CD44: variants seen among roughly 807,000 people sequenced by gnomAD.
CD44 encodes the protein CD44 antigen.
In CD44, 49 loss-of-function variants were observed where a neutral mutation model predicts 88.8. The observed-to-expected ratio is 0.55, with a 90% CI of 0.44 to 0.70. The LOEUF (loss-of-function observed/expected upper bound fraction) is 0.70. Among genes scored for constraint, CD44 ranks in the 30% least tolerant of loss-of-function variants. The pLI, the probability that CD44 is intolerant of heterozygous loss-of-function variation, is 0.00. For missense variants in CD44, 883 were observed against 913.8 expected, an observed-to-expected ratio of 0.97 and a Z score of 0.43; for synonymous variants, 325 against 312.3, an observed-to-expected ratio of 1.04 and a Z score of -0.43.
intron 17 of CD44, among the ~76,000 whole-genome samples, chr11:35,226,743 G>A (rs1272203231): frequency 6.6e-6 from 1 of 152,044 alleles, no homozygotes; most frequent in Non-Finnish European, 1.5e-5. Context: ...ACAATCCTAT[G>A]ATATTGCTAC....
chr11:35,193,912 A>G lies in CD44; in HGVS notation c.668-2834A>G, dbSNP rs143587363. 5.0e-3 allele frequency among the ~76,000 whole-genome samples: 767 copies of G among 152,336 alleles called. 8 individuals carry two copies. Among genetic ancestry groups the G allele is most frequent in the Admixed American group, 0.015 (231 of 15,298 alleles). ...ATTTTCTTTGCAAAGTTCCTGCTCA[A>G]GTATGAAGTTTGACCTGAGGCTGAT... On this transcript the variant is annotated intron_variant, in intron 5 of 17. Coordinates refer to ENST00000428726, the MANE Select transcript of CD44 (RefSeq NM_000610.4).
chr11:35,171,762 A>T lies in CD44; in HGVS notation c.68-4813A>T, dbSNP rs145466611. On this transcript the variant is annotated intron_variant, in intron 1 of 17. Transcript: ENST00000428726. ...AAGAACTGAGGGTCCTGGGAATTTA[A>T]TCACATCAATGCAATCTTTCTTACA... Among the ~76,000 whole-genome samples, 282 of 152,360 alleles carry T rather than the reference A, an allele frequency of 1.9e-3. 1 individual carries two copies. Among genetic ancestry groups the T allele is most frequent in the African/African-American group, 6.5e-3 (272 of 41,590 alleles).
chr11:35,209,087 A>T (rs775507274), intron 12 of CD44, among the ~76,000 whole-genome samples: 20 of 152,204 alleles, frequency 1.3e-4, no homozygotes, highest in Non-Finnish European at 2.8e-4. Context: ...TTTTGTTCTG[A>T]CATTGGGTTT....
intron 15 of CD44, among the ~76,000 whole-genome samples, chr11:35,215,942 G>T (rs116547956): frequency 4.9e-4 from 73 of 149,528 alleles, no homozygotes; most frequent in Middle Eastern, 3.4e-3. Context: ...TATCTAGTAT[G>T]AACTCATTCA....
chr11:35,175,023 G>A (rs938340213), intron 1 of CD44, among the ~76,000 whole-genome samples: 1 of 152,114 alleles, frequency 6.6e-6, no homozygotes, highest in African/African-American at 2.4e-5. Flanking sequence ...AGACAAGGGT[G>A]TTTAGGGAAG....
At chr11:35,163,622 C>T (rs115911908) in intron 1 of CD44, among the ~76,000 whole-genome samples, 79 of 152,252 alleles carry the variant, frequency 5.2e-4, no homozygotes, top group African/African-American at 1.9e-3. Context: ...AGGCTCAAGC[C>T]TCTTAAATCC....
At chr11:35,208,918 C>A (rs1245282508) in intron 12 of CD44, among the ~76,000 whole-genome samples, 1 of 152,130 alleles carries the variant, frequency 6.6e-6, no homozygotes, top group Non-Finnish European at 1.5e-5. Flanking sequence ...CAGAGTCCTT[C>A]ATATGAGCCC....
At position 35,219,351 on chromosome 11, in the gene CD44, A is replaced by G; in HGVS notation, c.1909A>G (p.Thr637Ala). The G allele has an allele frequency of 1.9e-6, 3 of 1,613,986 alleles. No individual in the cohort carries two copies. The South Asian group carries it at 3.3e-5, about 18-fold the overall frequency. ...TGGGAGTCAAGAAGGTGGAGCAAAC[A>G]CAACCTCTGGTCCTATAAGGACACC... Reference protein sequence around the residue: ...SHGSQEGGANTTSGPIRTPQI... With the variant: ...SHGSQEGGANATSGPIRTPQI... The change falls in exon 16 of 18, where the codon ACA becomes GCA. Residue 637 changes from threonine to alanine, a missense_variant. Around this residue, in one of 2 missense-constraint regions of CD44, gnomAD observed 631 missense variants for 590.9 expected, o/e 1.07. Transcript: ENST00000428726.
At chr11:35,219,463 C>T (rs764205140) in intron 16 of CD44, 76 bp downstream of exon 16, 22 of 1,060,428 alleles carry the variant, frequency 2.1e-5, no homozygotes, top group Non-Finnish European at 2.7e-5. Context: ...GACGAAGAGA[C>T]TCATTTGAAA....
chr11:35,139,405 G>T, intron 1 of CD44, 35 bp downstream of exon 1: 1 of 1,543,874 alleles, frequency 6.5e-7, no homozygotes, highest in South Asian at 1.2e-5. Flanking sequence ...AGCAAGATGG[G>T]TGCGGGGTGC....
At chr11:35,228,895 C>A (rs540788932) in intron 17 of CD44, among the ~76,000 whole-genome samples, 1 of 152,296 alleles carries the variant, frequency 6.6e-6, no homozygotes, top group South Asian at 2.1e-4. Context: ...CAAGATGATG[C>A]TTTTGCTGCT....
chr11:35,230,256 A>G lies in CD44; in HGVS notation c.*923A>G, dbSNP rs1949996631. 6.7e-6 allele frequency: 1 copy of G among 150,182 alleles called. No individual in the cohort carries two copies. Among genetic ancestry groups the G allele is most frequent in the African/African-American group, 2.5e-5 (1 of 40,640 alleles). 9.3% of individuals were successfully genotyped at this position (150,182 alleles called of 1,614,324 possible). ...TTTTGACACTGTCCAAAGGTTTTCC[A>G]TCCTGTCCTGGAATCAGAGTTGGAA... is the stretch of plus-strand genomic sequence containing the variant. On this transcript the variant is annotated 3_prime_UTR_variant, in exon 18 of 18. Transcript: ENST00000428726.
chr11:35,226,174 C>T (rs139129427), intron 17 of CD44, among the ~76,000 whole-genome samples: 3 of 152,306 alleles, frequency 2.0e-5, no homozygotes, highest in Non-Finnish European at 4.4e-5. Flanking sequence ...GAAATGCAGG[C>T]CAACCAAAAA....
At chr11:35,226,870 T>C (rs957059966) in intron 17 of CD44, among the ~76,000 whole-genome samples, 2 of 141,058 alleles carry the variant, frequency 1.4e-5, no homozygotes, top group Admixed American at 1.4e-4. Context: ...CTTTTCTTCT[T>C]TCTTTTTTCC....
At chr11:35,224,396 G>A (rs1458074368) in intron 17 of CD44, among the ~76,000 whole-genome samples, 3 of 152,110 alleles carry the variant, frequency 2.0e-5, no homozygotes, top group South Asian at 2.1e-4. Flanking sequence ...GGAGTCAGTT[G>A]GGTTGATAGA....
intron 15 of CD44, among the ~76,000 whole-genome samples, chr11:35,215,603 G>A (rs1948766591): frequency 6.6e-6 from 1 of 152,122 alleles, no homozygotes; most frequent in African/African-American, 2.4e-5. Flanking sequence ...GTCAATATCG[G>A]CCAGGCACGG....
At position 35,176,712 on chromosome 11, in the gene CD44, G is replaced by T; in HGVS notation, c.205G>T (p.Ala69Ser). 1.9e-6 allele frequency: 3 copies of T among 1,614,126 alleles called. No homozygotes were observed. The highest frequency in any genetic ancestry group is 2.5e-6 in the Non-Finnish European group (3 of 1,180,000). The change falls in exon 2 of 18, where the codon GCT becomes TCT. Residue 69 changes from alanine (A) to serine (S), a missense_variant. This residue lies in a region of CD44 where 252 missense variants were observed against 322.9 expected (regional missense o/e 0.78). Coordinates refer to ENST00000428726, the MANE Select transcript of CD44 (RefSeq NM_000610.4). ...GCCCACAATGGCCCAGATGGAGAAAGCTCTGAGCATCGGATTTGAGACCTG... is the reference window on the plus strand; with the variant it reads ...GCCCACAATGGCCCAGATGGAGAAATCTCTGAGCATCGGATTTGAGACCTG... The part of the protein sequence containing the change: ...TLPTMAQMEK[A>S]LSIGFETCRY...
At chr11:35,179,111 C>T (rs182646995) in intron 2 of CD44, among the ~76,000 whole-genome samples, 5 of 152,314 alleles carry the variant, frequency 3.3e-5, no homozygotes, top group Admixed American at 6.5e-5. Flanking sequence ...ATTAGTCATG[C>T]GAGCTACAAT....
rs1317958418 is a variant in CD44, at chr11:35,153,096, G to A, written c.67+13726G>A. ...CTTGTTTGATTGGAAAGATAAGGAA[G>A]CCTCAAGGGCTGCAAGTGACTTTCC... is the stretch of plus-strand genomic sequence containing the variant. On this transcript the variant is annotated intron_variant, in intron 1 of 17. Transcript: ENST00000428726. 4.6e-5 allele frequency among the ~76,000 whole-genome samples: 7 copies of A among 152,302 alleles called. No individual in the cohort carries two copies. In the East Asian group the frequency reaches 1.4e-3, roughly 29 times the overall value.
Sources: gnomAD v4.1 joint callset for allele counts (sites outside exome capture counted in the v4.1 genomes callset) on GRCh38, gnomAD v4.1.1 for gene constraint, gnomAD v4.1.1 regional missense constraint, MANE v1.5 for transcripts, NCBI Gene and HGNC (gene_info 2026-07-23, HGNC 2026-07-21) for gene names.